FSTL4: variants seen among roughly 807,000 people sequenced by gnomAD.
FSTL4 encodes the protein follistatin like 4.
A neutral mutation model predicts 78.2 loss-of-function variants in FSTL4; 28 were observed. The observed-to-expected ratio is 0.36, with a 90% confidence interval of 0.27 to 0.49. FSTL4 has a LOEUF of 0.49. FSTL4 is among the 20% of genes least tolerant of loss of function. FSTL4 has a pLI of 0.98. For missense variants in FSTL4, 922 were observed against 1,084.9 expected (o/e 0.85, Z 2.11); for synonymous variants, 422 against 440.5 (o/e 0.96, Z 0.53).
chr5:133,197,305 G>A lies in FSTL4; in HGVS notation c.*1790C>T, dbSNP rs1750173250. ...TGAGGCAGGAAAAAAAAAGGGGTGA[G>A]ATGGGTCATCCATGCATCCCAGCTA... On this transcript the variant is annotated 3_prime_UTR_variant, in exon 16 of 16. Transcript: ENST00000265342. 1 of 152,168 alleles carries A rather than the reference G, an allele frequency of 6.6e-6. No homozygotes were observed. Among genetic ancestry groups the A allele is most frequent in the Non-Finnish European group, 1.5e-5 (1 of 68,026 alleles). The allele number at this position is 152,168 out of a possible 1,614,324, so 9.4% of individuals were successfully genotyped here.
At chr5:133,422,153 C>T (rs1040403972) in intron 3 of FSTL4, among the ~76,000 whole-genome samples, 3 of 151,958 alleles carry the variant, frequency 2.0e-5, no homozygotes, top group African/African-American at 4.8e-5. Context: ...AGAAGAAGGA[C>T]GTGGGCAAAG....
chr5:133,498,755 C>G lies in FSTL4; in HGVS notation c.160+68431G>C, dbSNP rs919316562. Among the ~76,000 whole-genome samples the G allele has an allele frequency of 5.9e-5, 9 of 151,754 alleles. No individual in the cohort carries two copies. The East Asian group carries it at 7.7e-4, about 13-fold the overall frequency. On this transcript the variant is annotated intron_variant, in intron 3 of 15. Transcript: ENST00000265342. ...AAGGATCATGCCTTTTAAGCCCTTT[C>G]CAACTTTCCAGAGTACTTTTCAGTT... is the stretch of plus-strand genomic sequence containing the variant.
At chr5:133,328,903 G>A (rs766522123) in intron 4 of FSTL4, among the ~76,000 whole-genome samples, 3 of 152,234 alleles carry the variant, frequency 2.0e-5, no homozygotes, top group Non-Finnish European at 4.4e-5. Context: ...CGGCTGTGGA[G>A]CTGGCAGTAA....
chr5:133,282,892 T>C (rs1319107995), intron 6 of FSTL4, among the ~76,000 whole-genome samples: 1 of 152,242 alleles, frequency 6.6e-6, no homozygotes, highest in Non-Finnish European at 1.5e-5. Flanking sequence ...GACAACTTTC[T>C]CTAAACAAAT....
chr5:133,299,717 C>T (rs1204268091), intron 6 of FSTL4, among the ~76,000 whole-genome samples: 1 of 152,148 alleles, frequency 6.6e-6, no homozygotes, highest in Non-Finnish European at 1.5e-5. Context: ...TGAAAGGCTG[C>T]CCCATCACCG....
intron 4 of FSTL4, among the ~76,000 whole-genome samples, chr5:133,345,031 C>T (rs1444953594): frequency 2.0e-5 from 3 of 147,280 alleles, no homozygotes; most frequent in African/African-American, 5.1e-5. Context: ...TGCAGTGGAA[C>T]GATCTCCACT....
chr5:133,525,835 A>C (rs193071572), intron 3 of FSTL4, among the ~76,000 whole-genome samples: 1 of 152,342 alleles, frequency 6.6e-6, no homozygotes, highest in African/African-American at 2.4e-5. Context: ...CTGGACTTCT[A>C]GACTGACTCC....
chr5:133,548,091 G>T (rs1759619162), intron 3 of FSTL4, among the ~76,000 whole-genome samples: 1 of 152,158 alleles, frequency 6.6e-6, no homozygotes, highest in Non-Finnish European at 1.5e-5. Flanking sequence ...GACCCTCCCA[G>T]ACCTTGCTCT....
In FSTL4 at chr5:133,611,295, G is replaced by A. The variant is rs1291835480; in HGVS notation, c.-11+1030C>T. On this transcript the variant is annotated intron_variant, in intron 1 of 15. Transcript: ENST00000265342. The surrounding 1 kb of genome is among the most constrained non-coding windows in gnomAD (Gnocchi z 4.9). Reference sequence around the variant, plus strand: ...AGGCTCGCCGCGCTCTGGAAAACAAGAAACCCCACTGCCTCGGCGGCTTTC... The same window carrying A: ...AGGCTCGCCGCGCTCTGGAAAACAAAAAACCCCACTGCCTCGGCGGCTTTC... Among the ~76,000 whole-genome samples, 1 of 152,176 alleles carries A rather than the reference G, an allele frequency of 6.6e-6. No individual in the cohort carries two copies. Among genetic ancestry groups the A allele is most frequent in the Non-Finnish European group, 1.5e-5 (1 of 68,014 alleles).
intron 6 of FSTL4, among the ~76,000 whole-genome samples, chr5:133,253,119 C>G (rs1752299976): frequency 6.6e-6 from 1 of 152,210 alleles, no homozygotes; most frequent in South Asian, 2.1e-4. Flanking sequence ...TTTCACAGTT[C>G]TGAAGGGATT....
intron 4 of FSTL4, chr5:133,387,997 T>C (rs2126958417): frequency 6.6e-6 from 1 of 152,388 alleles, no homozygotes; most frequent in Middle Eastern, 3.4e-3. Flanking sequence ...GATGGAATAT[T>C]GCCCTCATGT....
chr5:133,806,476 G>A, the FSTL4 span, among the ~76,000 whole-genome samples: 1 of 152,078 alleles, frequency 6.6e-6, no homozygotes, highest in Non-Finnish European at 1.5e-5. Flanking sequence ...TAAACAAAAG[G>A]GCAGGCCTCC....
chr5:133,267,337 C>T lies in FSTL4; in HGVS notation c.728-17761G>A, dbSNP rs1320411143. Among the ~76,000 whole-genome samples, 5 of 152,300 alleles carry T rather than the reference C, an allele frequency of 3.3e-5. No individual in the cohort carries two copies. In the South Asian group the frequency reaches 1.0e-3, roughly 32 times the overall value. ...GCCCTGGCTTAGGAGGGCCCCAGGA[C>T]CCATGAGAGGGCCTGGGGCTGGGGT... On this transcript the variant is annotated intron_variant, in intron 6 of 15. Transcript: ENST00000265342.
intron 4 of FSTL4, among the ~76,000 whole-genome samples, chr5:133,320,859 T>C (rs7732749): frequency 0.66 from 99,658 of 151,514 alleles, 33,060 homozygotes; most frequent in Middle Eastern, 0.7. Flanking sequence ...TACAAAAAAT[T>C]AGCCAGGCAT....
At chr5:133,799,297 C>T in the FSTL4 span, among the ~76,000 whole-genome samples, 2 of 138,130 alleles carry the variant, frequency 1.4e-5, no homozygotes, top group East Asian at 2.0e-4. Flanking sequence ...CCCTGCAGAC[C>T]TTTCTGGTCT....
At chr5:133,466,722 G>C (rs1458225366) in intron 3 of FSTL4, among the ~76,000 whole-genome samples, 1 of 152,194 alleles carries the variant, frequency 6.6e-6, no homozygotes, top group African/African-American at 2.4e-5. Context: ...GCCTCTCTCA[G>C]GCTGCTCACA....
intron 6 of FSTL4, among the ~76,000 whole-genome samples, chr5:133,278,536 G>A (rs940644240): frequency 1.3e-5 from 2 of 152,202 alleles, no homozygotes; most frequent in Non-Finnish European, 2.9e-5. Context: ...GTGTGTCTTA[G>A]TGATGACTTT....
At chr5:133,354,211 G>A (rs557300818) in intron 4 of FSTL4, among the ~76,000 whole-genome samples, 2 of 152,282 alleles carry the variant, frequency 1.3e-5, no homozygotes, top group Admixed American at 6.5e-5. Context: ...ATGATGCTAC[G>A]GACCAGGTGG....
chr5:133,517,620 G>GTT (rs1758891985), intron 3 of FSTL4, among the ~76,000 whole-genome samples: 1 of 149,496 alleles, frequency 6.7e-6, no homozygotes, highest in South Asian at 2.2e-4. Context: ...GTGTGTGTGT[G>GTT]TGTGTGTGTG....
Sources: gnomAD v4.1 joint callset for allele counts (sites outside exome capture counted in the v4.1 genomes callset) on GRCh38, gnomAD v4.1.1 for gene constraint, Gnocchi (gnomAD v3.1) non-coding constraint, MANE v1.5 for transcripts, NCBI Gene and HGNC (gene_info 2026-07-23, HGNC 2026-07-21) for gene names.